The following ABCC1 variants were observed in gnomAD, a reference collection of about 807,000 sequenced individuals.
The protein encoded by ABCC1 is ATP binding cassette subfamily C member 1 (ABCC1 blood group), also known as multidrug resistance-associated protein 1.
A neutral mutation model predicts 172.9 loss-of-function variants in ABCC1; 83 were observed. That is an observed-to-expected ratio of 0.48 (90% CI 0.40 to 0.58). ABCC1 has a LOEUF of 0.58. Ranked by LOEUF, ABCC1 falls within the 20% of genes least tolerant of loss-of-function variation. The probability of loss-of-function intolerance (pLI) is 0.00; values close to 1 mark genes in which losing one functional copy is unlikely to be tolerated. For missense variants in ABCC1, 1,817 were observed against 2,002.7 expected, an observed-to-expected ratio of 0.91 and a Z score of 1.77; for synonymous variants, 937 against 825.2, an observed-to-expected ratio of 1.14 and a Z score of -2.32.
At chr16:15,997,516 A>C (rs1019626735) in intron 1 of ABCC1, among the ~76,000 whole-genome samples, 3 of 151,978 alleles carry the variant, frequency 2.0e-5, no homozygotes, top group African/African-American at 7.3e-5. Flanking sequence ...GTGTCTGGAG[A>C]GTTGGGTCCT....
chr16:16,052,162 G>A (rs899782048), intron 10 of ABCC1, among the ~76,000 whole-genome samples: 9 of 152,054 alleles, frequency 5.9e-5, no homozygotes, highest in African/African-American at 2.2e-4. Flanking sequence ...CCAGGAGATC[G>A]AGAGCAGTTT....
chr16:15,987,575 C>T (rs1327679404), intron 1 of ABCC1, among the ~76,000 whole-genome samples: 4 of 152,216 alleles, frequency 2.6e-5, no homozygotes, highest in African/African-American at 7.2e-5. Context: ...CTACCCTCTT[C>T]CTAAGTTGTG....
chr16:15,999,836 CTCTT>C lies in ABCC1; in HGVS notation c.49-7945_49-7942del, dbSNP rs375541317. ...TCTCTCTCTCTCTCTCTCTCTCTGT[CTCTT>C]TCTTTCTTTCTTTCTTTCTTTCTTT... On this transcript the variant is annotated intron_variant, in intron 1 of 30. Transcript: ENST00000399410. Among the ~76,000 whole-genome samples, 52 of 16,840 alleles carry C rather than the reference CTCTT, an allele frequency of 3.1e-3. 3 individuals are homozygous for C. The highest frequency in any genetic ancestry group is 5.8e-3 in the African/African-American group (27 of 4,694). 11.0% of individuals were successfully genotyped at this position (16,840 alleles called of 152,430 possible).
intron 1 of ABCC1, among the ~76,000 whole-genome samples, chr16:15,957,203 C>A (rs967822240): frequency 1.3e-5 from 2 of 151,844 alleles, no homozygotes; most frequent in East Asian, 3.9e-4. Context: ...CTTCAGCTCC[C>A]CAGGTAGCTG....
intron 14 of ABCC1, among the ~76,000 whole-genome samples, chr16:16,073,003 C>G (rs568108119): frequency 6.7e-6 from 1 of 149,810 alleles, no homozygotes; most frequent in African/African-American, 2.5e-5. Flanking sequence ...GATCGCGCCA[C>G]TGCACTCCAG....
chr16:15,997,805 C>CTTTTTTTTTTTTTTTTTTTTTTTT (rs34346901), intron 1 of ABCC1, among the ~76,000 whole-genome samples: 1 of 116,822 alleles, frequency 8.6e-6, no homozygotes, highest in Non-Finnish European at 1.8e-5. Flanking sequence ...GCCTCGATAC[C>CTTTTTTTTTTTTTTTTTTTTTTTT]TTTTTTTTTT....
chr16:16,136,818 CA>C lies in ABCC1; in HGVS notation c.4292+175del, dbSNP rs45538737. Among the ~76,000 whole-genome samples, 6 of 152,320 alleles carry C rather than the reference CA, an allele frequency of 3.9e-5. No individual in the cohort carries two copies. In the East Asian group the frequency reaches 1.2e-3, roughly 29 times the overall value. ...TGTATCTGTAAAACGGGTCTCAATC[CA>C]GGCTCTTTGTACCATGAGGTAGAAT... On this transcript the variant is annotated intron_variant, in intron 29 of 30. Coordinates refer to ENST00000399410, the MANE Select transcript of ABCC1 (RefSeq NM_004996.4).
intron 12 of ABCC1, among the ~76,000 whole-genome samples, chr16:16,061,830 G>A (rs1242226900): frequency 1.4e-5 from 2 of 138,684 alleles, no homozygotes; most frequent in African/African-American, 5.6e-5. Flanking sequence ...CTGGAGTGCA[G>A]TGACATGATC....
intron 5 of ABCC1, among the ~76,000 whole-genome samples, chr16:16,028,515 G>C (rs941303954): frequency 2.6e-5 from 4 of 152,110 alleles, no homozygotes; most frequent in Non-Finnish European, 5.9e-5. Context: ...AGAGGGCTTG[G>C]GCTGCAGGTG....
At chr16:15,982,092 A>C (rs558589364) in intron 1 of ABCC1, among the ~76,000 whole-genome samples, 1 of 152,166 alleles carries the variant, frequency 6.6e-6, no homozygotes, top group South Asian at 2.1e-4. Context: ...GTTTTGGTCC[A>C]AGTCATTCAA....
chr16:16,039,607 C>T (rs749749060), intron 7 of ABCC1, among the ~76,000 whole-genome samples: 6 of 152,020 alleles, frequency 3.9e-5, no homozygotes, highest in Non-Finnish European at 5.9e-5. Context: ...AAGGTTCTAC[C>T]CAGTGTGGCC....
chr16:16,118,445 C>T (rs4148375), intron 23 of ABCC1, among the ~76,000 whole-genome samples: 104,861 of 126,888 alleles, frequency 0.83, 42,094 homozygotes, highest in Admixed American at 0.88. Context: ...TTTTTTTTTT[C>T]CCCTGCATTT....
chr16:15,949,395 C>T (rs1431551300), upstream of ABCC1, among the ~76,000 whole-genome samples: 1 of 151,884 alleles, frequency 6.6e-6, no homozygotes, highest in Non-Finnish European at 1.5e-5. Flanking sequence ...CTCCCCAGGC[C>T]CGTCCGCGAG....
chr16:16,065,906 T>A (rs1019321483), intron 12 of ABCC1, among the ~76,000 whole-genome samples: 23 of 152,200 alleles, frequency 1.5e-4, no homozygotes, highest in Non-Finnish European at 2.4e-4. Context: ...GAGGTATAAT[T>A]CACCATTTAA....
chr16:16,074,550 C>T (rs1335326228), intron 14 of ABCC1, among the ~76,000 whole-genome samples: 1 of 152,204 alleles, frequency 6.6e-6, no homozygotes, highest in Admixed American at 6.5e-5. Flanking sequence ...GCCGCCCGCA[C>T]CCCAGCCCCT....
chr16:16,008,887 G>A (rs1476143558), intron 2 of ABCC1, among the ~76,000 whole-genome samples: 2 of 146,348 alleles, frequency 1.4e-5, no homozygotes, highest in Non-Finnish European at 3.0e-5. Context: ...ACCAGGAACT[G>A]CTGCCTGATT....
At position 16,094,185 on chromosome 16, in the gene ABCC1, G is replaced by C. The variant is rs2051370338; in HGVS notation, c.2644+3597G>C. The C allele has an allele frequency of 7.6e-6, 2 of 264,790 alleles. 1 individual carries two copies. Among genetic ancestry groups the C allele is most frequent in the South Asian group, 9.3e-5 (2 of 21,504 alleles). The allele number at this position is 264,790 out of a possible 1,614,324, so 16.4% of individuals were successfully genotyped here. ...AGTGAGCTCACGTATGGGTTAATCC[G>C]ACCGACCCTGAGCTCTGTAGGTCCG... On this transcript the variant is annotated intron_variant, in intron 19 of 30. Coordinates refer to ENST00000399410, the MANE Select transcript of ABCC1 (RefSeq NM_004996.4).
intron 23 of ABCC1, 87 bp downstream of exon 23, chr16:16,115,163 G>T (rs2044803280): frequency 2.9e-6 from 4 of 1,371,070 alleles, no homozygotes; most frequent in Non-Finnish European, 4.0e-6. Flanking sequence ...ATCTTACCAT[G>T]TCCCCAGTGT....
intron 19 of ABCC1, among the ~76,000 whole-genome samples, chr16:16,099,872 T>G (rs2051647463): frequency 6.6e-6 from 1 of 152,090 alleles, no homozygotes; most frequent in East Asian, 1.9e-4. Context: ...TCACCTGAGG[T>G]CAGGGGTTTG....
Sources: allele counts gnomAD v4.1 joint callset (sites outside exome capture counted in the v4.1 genomes callset), GRCh38; gene constraint gnomAD v4.1.1; transcripts MANE v1.5; gene names NCBI Gene and HGNC (gene_info 2026-07-23, HGNC 2026-07-21).